Variants in KCNQ5 observed in about 807,000 individuals in gnomAD.
The protein encoded by KCNQ5 is potassium voltage-gated channel subfamily KQT member 5.
Under a neutral mutation model 98.2 loss-of-function variants are expected in KCNQ5, and 30 were observed. The ratio of observed to expected loss-of-function variants is 0.31; its 90% CI spans 0.23 to 0.41. KCNQ5 has a LOEUF of 0.41. Among genes scored for constraint, KCNQ5 ranks in the 10% least tolerant of loss-of-function variants. KCNQ5 has a pLI of 1.00. For synonymous variants in KCNQ5, 458 were observed against 449.4 expected, an observed-to-expected ratio of 1.02 and a Z score of -0.24; for missense variants, 835 against 1,182.5, an observed-to-expected ratio of 0.71 and a Z score of 4.31.
chr6:72,763,310 A>G (rs1005456548), intron 1 of KCNQ5, among the ~76,000 whole-genome samples: 3 of 152,038 alleles, frequency 2.0e-5, no homozygotes, highest in Non-Finnish European at 4.4e-5. Context: ...GGGCTGAGTT[A>G]TTATAAACAC....
intron 11 of KCNQ5, among the ~76,000 whole-genome samples, chr6:73,174,108 AC>A (rs1324680797): frequency 6.6e-6 from 1 of 151,692 alleles, no homozygotes; most frequent in Admixed American, 6.6e-5. Context: ...AATTTTTAAA[AC>A]TATTTCAACA....
chr6:72,775,636 C>T (rs975344941), intron 1 of KCNQ5, among the ~76,000 whole-genome samples: 6 of 152,056 alleles, frequency 3.9e-5, no homozygotes, highest in African/African-American at 7.2e-5. Flanking sequence ...CAGGTGATTG[C>T]GGTCGACATC....
At position 73,053,659 on chromosome 6, in the gene KCNQ5, A is replaced by G. The variant is rs182659291; in HGVS notation, c.616+11597A>G. Among the ~76,000 whole-genome samples the G allele has an allele frequency of 1.4e-3, 217 of 152,324 alleles. 1 individual carries two copies. The highest frequency in any genetic ancestry group is 2.2e-3 in the Non-Finnish European group (147 of 68,032). On this transcript the variant is annotated intron_variant, in intron 3 of 13. Coordinates refer to ENST00000370398, the MANE Select transcript of KCNQ5 (RefSeq NM_019842.4). The stretch of plus-strand genomic sequence containing the variant: ...GAAATTATTTGAAACTAATTAGAAC[A>G]AAGATACTACATACCAGAATCTCTG...
intron 1 of KCNQ5, among the ~76,000 whole-genome samples, chr6:72,739,890 A>G (rs976421853): frequency 3.9e-5 from 6 of 152,226 alleles, no homozygotes; most frequent in Non-Finnish European, 7.3e-5. Context: ...TTAGGCTATT[A>G]TATTAATTAT....
intron 1 of KCNQ5, among the ~76,000 whole-genome samples, chr6:72,917,053 C>T (rs1223605085): frequency 4.6e-5 from 7 of 152,226 alleles, no homozygotes. Context: ...CGTTCTTACA[C>T]ATCCACAGGA....
intron 1 of KCNQ5, among the ~76,000 whole-genome samples, chr6:72,907,598 A>G (rs576356449): frequency 2.0e-5 from 3 of 152,128 alleles, no homozygotes; most frequent in Non-Finnish European, 2.9e-5. Flanking sequence ...ATTTCCTCCT[A>G]GGCTATCTCC....
intron 5 of KCNQ5, among the ~76,000 whole-genome samples, chr6:73,104,229 T>G (rs1377822708): frequency 6.6e-6 from 1 of 152,000 alleles, no homozygotes; most frequent in African/African-American, 2.4e-5. Flanking sequence ...AAAAAACTGC[T>G]AGAACTAATA....
chr6:72,950,003 C>A (rs879391401), intron 1 of KCNQ5, among the ~76,000 whole-genome samples: 1 of 151,972 alleles, frequency 6.6e-6, no homozygotes, highest in Non-Finnish European at 1.5e-5. Context: ...AACTCTCTAC[C>A]CTTTTCAAAT....
At chr6:73,042,794 A>C (rs79950222) in intron 3 of KCNQ5, among the ~76,000 whole-genome samples, 533 of 152,320 alleles carry the variant, frequency 3.5e-3, no homozygotes, top group Non-Finnish European at 5.4e-3. Flanking sequence ...TTCTGGAATT[A>C]AGATCTAGCA....
At chr6:72,890,096 GTTTCTC>G (rs993850858) in intron 1 of KCNQ5, among the ~76,000 whole-genome samples, 4 of 144,330 alleles carry the variant, frequency 2.8e-5, no homozygotes, top group African/African-American at 1.0e-4. Context: ...AGGGTTGTTT[GTTTCTC>G]TTTTTAGAAA....
At chr6:73,187,152 C>T (rs1418421463) in intron 11 of KCNQ5, among the ~76,000 whole-genome samples, 2 of 151,818 alleles carry the variant, frequency 1.3e-5, no homozygotes, top group Non-Finnish European at 2.9e-5. Context: ...CTCTGCCTCC[C>T]GGGTTCATGC....
chr6:72,987,593 GCCTGCAGCAGAA>G (rs55730729), intron 1 of KCNQ5: 563,339 of 564,446 alleles, frequency 1, 281,134 homozygotes, highest in East Asian at 1. Flanking sequence ...GCGGCCGACA[GCCTGCAGCAGAA>G]CCTGCAGCAG....
At chr6:72,707,039 A>G (rs1297411754) in intron 1 of KCNQ5, among the ~76,000 whole-genome samples, 1 of 152,186 alleles carries the variant, frequency 6.6e-6, no homozygotes, top group African/African-American at 2.4e-5. Context: ...ACATGATCAT[A>G]CAAACTATGA....
intron 1 of KCNQ5, among the ~76,000 whole-genome samples, chr6:72,696,507 T>TC (rs1768510831): frequency 2.6e-5 from 4 of 152,180 alleles, no homozygotes; most frequent in Non-Finnish European, 5.9e-5. Flanking sequence ...TAAGACATTT[T>TC]CAAAAAAGAT....
chr6:73,137,519 A>G (rs1174306169), intron 10 of KCNQ5, among the ~76,000 whole-genome samples: 1 of 152,266 alleles, frequency 6.6e-6, no homozygotes, highest in Non-Finnish European at 1.5e-5. Context: ...CCCTCTTCAC[A>G]TAATTTTAGA....
At chr6:73,160,450 G>T (rs1015025824) in intron 10 of KCNQ5, among the ~76,000 whole-genome samples, 13 of 152,206 alleles carry the variant, frequency 8.5e-5, no homozygotes, top group Non-Finnish European at 1.5e-4. Context: ...TTTGATGGCT[G>T]CGAGTAGAAG....
chr6:72,738,361 C>T (rs1161089264), intron 1 of KCNQ5, among the ~76,000 whole-genome samples: 1 of 151,972 alleles, frequency 6.6e-6, no homozygotes, highest in Admixed American at 6.5e-5. Flanking sequence ...ATTATAGAAT[C>T]CAGATATTCT....
chr6:72,762,649 G>C (rs1182412737), intron 1 of KCNQ5, among the ~76,000 whole-genome samples: 1 of 152,046 alleles, frequency 6.6e-6, no homozygotes, highest in Non-Finnish European at 1.5e-5. Flanking sequence ...GATTTAGCTT[G>C]GGCAGTGTTT....
At chr6:73,194,020 G>C (rs886476325) in intron 13 of KCNQ5, among the ~76,000 whole-genome samples, 4 of 151,856 alleles carry the variant, frequency 2.6e-5, no homozygotes, top group Admixed American at 2.6e-4. Context: ...TATTATTTTT[G>C]GTAGAGACGA....
Sources: gnomAD v4.1 joint callset for allele counts (sites outside exome capture counted in the v4.1 genomes callset) on GRCh38, gnomAD v4.1.1 for gene constraint, MANE v1.5 for transcripts, NCBI Gene and HGNC (gene_info 2026-07-23, HGNC 2026-07-21) for gene names.